The following MYO10 variants were observed in gnomAD, a reference collection of about 807,000 sequenced individuals.
MYO10 encodes the protein myosin X.
In MYO10, 133 loss-of-function variants were observed where a neutral mutation model predicts 257.3. The ratio of observed to expected loss-of-function variants is 0.52; its 90% CI spans 0.45 to 0.60. The LOEUF is 0.60. Ranked by LOEUF, MYO10 falls within the 20% of genes least tolerant of loss-of-function variation. The pLI is 0.00. For synonymous variants in MYO10, 1,104 were observed against 1,028.6 expected (o/e 1.07, Z -1.40); for missense variants, 2,399 against 2,635.7 (o/e 0.91, Z 1.97).
At chr5:16,818,829 T>C (rs1472415866) in intron 2 of MYO10, among the ~76,000 whole-genome samples, 1 of 152,212 alleles carries the variant, frequency 6.6e-6, no homozygotes, top group East Asian at 1.9e-4. Context: ...AACCATCTTT[T>C]GGGAATCACA....
At chr5:16,723,378 A>G (rs532716649) in intron 19 of MYO10, among the ~76,000 whole-genome samples, 24 of 151,986 alleles carry the variant, frequency 1.6e-4, no homozygotes, top group African/African-American at 5.8e-4. Context: ...ACAGAGCGAG[A>G]CTCTGTCTCA....
intron 26 of MYO10, among the ~76,000 whole-genome samples, chr5:16,699,098 A>G (rs1266729875): frequency 6.6e-6 from 1 of 152,184 alleles, no homozygotes; most frequent in Non-Finnish European, 1.5e-5. Context: ...GGATGAAGAA[A>G]GAGCTAAGAA....
At chr5:16,914,294 G>A (rs1412381031) in intron 1 of MYO10, among the ~76,000 whole-genome samples, 2 of 152,100 alleles carry the variant, frequency 1.3e-5, no homozygotes, top group Admixed American at 6.5e-5. Flanking sequence ...GCCTTCCTTC[G>A]CTGCCATTCC....
At position 16,922,460 on chromosome 5, in the gene MYO10, T is replaced by C. The variant is rs532265725; in HGVS notation, c.21+13328A>G. Among the ~76,000 whole-genome samples, 7 of 152,280 alleles carry C rather than the reference T, an allele frequency of 4.6e-5. No homozygotes were observed. In the South Asian group the frequency reaches 1.0e-3, roughly 23 times the overall value. The stretch of plus-strand genomic sequence containing the variant: ...GAGATATAAGTAAGATCCAAATAGA[T>C]GACTGGCTCTCTAGAAAATGAAGTG... On this transcript the variant is annotated intron_variant, in intron 1 of 40. Transcript: ENST00000513610.
intron 29 of MYO10, among the ~76,000 whole-genome samples, chr5:16,685,437 C>G (rs1737204959): frequency 6.6e-6 from 1 of 152,186 alleles, no homozygotes; most frequent in East Asian, 1.9e-4. Flanking sequence ...GTCTTGAACT[C>G]CTGGCCTCAA....
chr5:16,919,646 G>C (rs369768169), intron 1 of MYO10, among the ~76,000 whole-genome samples: 1 of 152,176 alleles, frequency 6.6e-6, no homozygotes, highest in African/African-American at 2.4e-5. Context: ...CCCATGGTAA[G>C]TGTCCAATAA....
At chr5:16,874,539 A>G (rs960364334) in intron 2 of MYO10, among the ~76,000 whole-genome samples, 2 of 152,156 alleles carry the variant, frequency 1.3e-5, no homozygotes, top group Admixed American at 1.3e-4. Flanking sequence ...AGAAATCTCT[A>G]AGGCAGGTGC....
intron 1 of MYO10, among the ~76,000 whole-genome samples, chr5:16,889,502 G>A (rs777754092): frequency 5.6e-5 from 3 of 53,612 alleles, no homozygotes; most frequent in African/African-American, 1.9e-4. Context: ...AAGGAAGGAA[G>A]GAAGGAAGGA....
At chr5:16,667,297 C>T (rs990689886) in intron 40 of MYO10, among the ~76,000 whole-genome samples, 5 of 152,174 alleles carry the variant, frequency 3.3e-5, no homozygotes, top group African/African-American at 1.2e-4. Flanking sequence ...TTCTGCTCCA[C>T]ACCAGCCACC....
At chr5:16,920,730 T>G (rs1408632449) in intron 1 of MYO10, among the ~76,000 whole-genome samples, 1 of 152,256 alleles carries the variant, frequency 6.6e-6, no homozygotes, top group Non-Finnish European at 1.5e-5. Flanking sequence ...TATTTTGTTA[T>G]GTAAGATGCC....
intron 19 of MYO10, among the ~76,000 whole-genome samples, chr5:16,712,267 A>G (rs1044851412): frequency 6.6e-6 from 1 of 152,234 alleles, no homozygotes; most frequent in Non-Finnish European, 1.5e-5. Context: ...GAGAACACAC[A>G]AATTAAAGAC....
At chr5:16,694,062 A>G (rs1050327287) in intron 27 of MYO10, among the ~76,000 whole-genome samples, 9 of 152,246 alleles carry the variant, frequency 5.9e-5, no homozygotes, top group Non-Finnish European at 1.3e-4. Context: ...AGACTCAGCC[A>G]CTTGTTCCAA....
chr5:16,933,201 G>A (rs1334484381), intron 1 of MYO10, among the ~76,000 whole-genome samples: 1 of 152,214 alleles, frequency 6.6e-6, no homozygotes, highest in African/African-American at 2.4e-5. Context: ...ATTCAGCAAT[G>A]TCTGCAGACC....
intron 19 of MYO10, among the ~76,000 whole-genome samples, chr5:16,716,627 T>C (rs915925368): frequency 1.3e-5 from 2 of 151,710 alleles, no homozygotes; most frequent in Admixed American, 6.6e-5. Flanking sequence ...AAAGTTATAA[T>C]GTTTTTCAGC....
In MYO10 at chr5:16,780,756, C is replaced by T; in HGVS notation, c.728-15G>A. 6.4e-7 allele frequency: 1 copy of T among 1,570,604 alleles called. No homozygotes were observed. The highest frequency in any genetic ancestry group is 8.6e-7 in the Non-Finnish European group (1 of 1,156,484). On this transcript the variant is annotated splice_polypyrimidine_tract_variant and intron_variant, in intron 6 of 40. Transcript: ENST00000513610. ...TTCTAATAAATCTTCATGTGAAAAG[C>T]AATGGCAAGTCAAGGAAAAAAACAA... is the stretch of plus-strand genomic sequence containing the variant.
At chr5:16,675,281 CATCTCA>C (rs1561171147) in intron 34 of MYO10, 131 bp from the exon 35 acceptor site, 1 of 858,504 alleles carries the variant, frequency 1.2e-6, no homozygotes, top group East Asian at 2.6e-5. Flanking sequence ...ACTCCCTATA[CATCTCA>C]ATCAGTTGAA....
intron 4 of MYO10, among the ~76,000 whole-genome samples, chr5:16,788,609 G>A (rs1201701688): frequency 6.6e-6 from 1 of 152,086 alleles, no homozygotes; most frequent in Non-Finnish European, 1.5e-5. Flanking sequence ...AAGGGGCACT[G>A]GGACTTAAGT....
At chr5:16,803,794 G>A (rs1162055643) in intron 3 of MYO10, among the ~76,000 whole-genome samples, 2 of 152,164 alleles carry the variant, frequency 1.3e-5, no homozygotes, top group Non-Finnish European at 2.9e-5. Context: ...TTGCCTCATT[G>A]TATAAAAATT....
At chr5:16,873,810 G>A (rs1335486428) in intron 2 of MYO10, among the ~76,000 whole-genome samples, 1 of 152,186 alleles carries the variant, frequency 6.6e-6, no homozygotes, top group African/African-American at 2.4e-5. Context: ...CTGGAGTGTG[G>A]AGTGGCTGGG....
Sources: gnomAD v4.1 joint callset for allele counts (sites outside exome capture counted in the v4.1 genomes callset) on GRCh38, gnomAD v4.1.1 for gene constraint, MANE v1.5 for transcripts, NCBI Gene and HGNC (gene_info 2026-07-23, HGNC 2026-07-21) for gene names.